Variants in TBC1D10A observed in about 807,000 individuals in gnomAD.
The protein encoded by TBC1D10A is EBP50-PDX interactor of 64 kDa.
In TBC1D10A, 24 loss-of-function variants were observed where a neutral mutation model predicts 52.9. The ratio of observed to expected loss-of-function variants is 0.45; its 90% CI spans 0.33 to 0.64. The LOEUF (loss-of-function observed/expected upper bound fraction) is 0.64. Among genes scored for constraint, TBC1D10A ranks in the 30% least tolerant of loss-of-function variants. The pLI is 0.02. For synonymous variants in TBC1D10A, 278 were observed against 282.9 expected (o/e 0.98, Z 0.17); for missense variants, 602 against 687.9 (o/e 0.88, Z 1.40).
chr22:30,310,612 T>C (rs1930405225), intron 1 of TBC1D10A, among the ~76,000 whole-genome samples: 1 of 152,168 alleles, frequency 6.6e-6, no homozygotes, highest in Non-Finnish European at 1.5e-5. Flanking sequence ...GTAAACATGA[T>C]GTGAGGCAAT....
chr22:30,297,982 A>G lies in TBC1D10A; in HGVS notation c.417+1462T>C, dbSNP rs1930119116. ...CCCGTCACTCAGCTTCGGTGCATCAAGAAGGCCTTCTCTGCAAATCCACCT... is the reference window on the plus strand; with the variant it reads ...CCCGTCACTCAGCTTCGGTGCATCAGGAAGGCCTTCTCTGCAAATCCACCT... On this transcript the variant is annotated intron_variant, in intron 3 of 8. Coordinates refer to ENST00000215790, the MANE Select transcript of TBC1D10A (RefSeq NM_031937.3). This position sits in a 1 kb window ranked among gnomAD's most constrained non-coding sequence, Gnocchi z 4.3. 2 of 152,230 alleles carry G rather than the reference A, an allele frequency of 1.3e-5. No individual in the cohort carries two copies. Among genetic ancestry groups the G allele is most frequent in the Admixed American group, 1.3e-4 (2 of 15,268 alleles). The allele number at this position is 152,230 out of a possible 1,614,324, so 9.4% of individuals were successfully genotyped here.
chr22:30,294,098 G>C lies in TBC1D10A; in HGVS notation c.718C>G (p.Leu240Val), dbSNP rs918926023. 1.9e-6 allele frequency: 3 copies of C among 1,613,688 alleles called. No homozygotes were observed. The highest frequency in any genetic ancestry group is 2.5e-6 in the Non-Finnish European group (3 of 1,179,976). Residue 240 changes from leucine to valine, a missense_variant, in exon 7 of 9, where the codon CTG (leucine) becomes GTG (valine). By Grantham distance (32) the Leu-to-Val change is conservative. Coordinates refer to ENST00000215790, the MANE Select transcript of TBC1D10A (RefSeq NM_031937.3). ...YYSEKLEAIQ[L>V]DGEILFSLLQ... Reference sequence around the variant, plus strand: ...AGCGAGAAAAGGATCTCCCCGTCCAGCTGGATCGCCTCCTAGGGAGACATC... The same window carrying C: ...AGCGAGAAAAGGATCTCCCCGTCCACCTGGATCGCCTCCTAGGGAGACATC...
intron 3 of TBC1D10A, chr22:30,296,114 C>T (rs530902460): frequency 5.1e-5 from 22 of 435,140 alleles, no homozygotes; most frequent in Admixed American, 8.0e-5. Flanking sequence ...ACTCCAGCTG[C>T]GGCTGGAAGG....
chr22:30,321,414 C>T (rs1226052765), intron 1 of TBC1D10A, among the ~76,000 whole-genome samples: 1 of 152,218 alleles, frequency 6.6e-6, no homozygotes, highest in African/African-American at 2.4e-5. Context: ...GAGAATAAGG[C>T]AAGGAGTCAG....
chr22:30,326,583 A>G, intron 1 of TBC1D10A, 90 bp downstream of exon 1: 2 of 1,253,914 alleles, frequency 1.6e-6, no homozygotes, highest in Admixed American at 2.5e-5. Flanking sequence ...TGGGAGGGGG[A>G]CGTGTCGGCA....
chr22:30,308,292 ATGCC>A (rs140730872), intron 1 of TBC1D10A, among the ~76,000 whole-genome samples: 2,039 of 78,744 alleles, frequency 0.026, 32 homozygotes, highest in African/African-American at 0.087. Context: ...GCATGCCTGC[ATGCC>A]TGCATGCCTG....
intron 1 of TBC1D10A, among the ~76,000 whole-genome samples, chr22:30,320,077 T>C (rs988465103): frequency 2.6e-5 from 4 of 152,194 alleles, no homozygotes; most frequent in African/African-American, 9.7e-5. Context: ...AACCTTCAGA[T>C]TCCTCACCGG....
At chr22:30,300,164 A>G (rs1254667894) in intron 2 of TBC1D10A, among the ~76,000 whole-genome samples, 2 of 150,718 alleles carry the variant, frequency 1.3e-5, no homozygotes, top group African/African-American at 4.9e-5. Flanking sequence ...ATGGAACCCT[A>G]TAGGCGGGCA....
intron 2 of TBC1D10A, among the ~76,000 whole-genome samples, chr22:30,302,072 GC>G (rs1201832794): frequency 6.6e-6 from 1 of 152,176 alleles, no homozygotes; most frequent in Admixed American, 6.5e-5. Context: ...CTCCAGGAGA[GC>G]CCTGGAACAC....
At chr22:30,310,320 G>A (rs1334972952) in intron 1 of TBC1D10A, among the ~76,000 whole-genome samples, 3 of 152,178 alleles carry the variant, frequency 2.0e-5, no homozygotes, top group African/African-American at 7.2e-5. Context: ...TGGTATTTGC[G>A]GCTTAACTAG....
At chr22:30,318,355 T>A (rs1053313102) in intron 1 of TBC1D10A, among the ~76,000 whole-genome samples, 1 of 152,062 alleles carries the variant, frequency 6.6e-6, no homozygotes, top group Non-Finnish European at 1.5e-5. Flanking sequence ...TTCCTTATCA[T>A]CCAATATGTC....
chr22:30,314,645 A>T (rs1930495953), intron 1 of TBC1D10A, among the ~76,000 whole-genome samples: 2 of 152,098 alleles, frequency 1.3e-5, no homozygotes, highest in South Asian at 4.1e-4. Context: ...CCCTGTCTCT[A>T]CAAAATTGTT....
intron 1 of TBC1D10A, among the ~76,000 whole-genome samples, chr22:30,323,930 C>T (rs1930712085): frequency 1.3e-5 from 2 of 152,054 alleles, no homozygotes; most frequent in South Asian, 4.1e-4. Context: ...GAGACTGCGC[C>T]ACTGCACTCC....
intron 1 of TBC1D10A, chr22:30,307,699 A>C (rs1192507128): frequency 6.6e-6 from 1 of 152,236 alleles, no homozygotes; most frequent in Admixed American, 6.5e-5. Flanking sequence ...TACCATTCGT[A>C]GATTATTTAC....
chr22:30,326,644 G>T, intron 1 of TBC1D10A, 29 bp downstream of exon 1: 1 of 1,557,792 alleles, frequency 6.4e-7, no homozygotes. Context: ...TGGGTGGCGC[G>T]CTCAGTCCCG....
chr22:30,324,106 T>C (rs1457084233), intron 1 of TBC1D10A, among the ~76,000 whole-genome samples: 1 of 152,202 alleles, frequency 6.6e-6, no homozygotes, highest in Non-Finnish European at 1.5e-5. Context: ...ACATCCAAAA[T>C]GTCTTAAGAC....
chr22:30,302,207 A>G (rs1257569161), intron 2 of TBC1D10A, among the ~76,000 whole-genome samples: 1 of 152,222 alleles, frequency 6.6e-6, no homozygotes, highest in Admixed American at 6.5e-5. Context: ...GGGACCAGTA[A>G]GGATAAAGCA....
intron 2 of TBC1D10A, 187 bp from the exon 3 acceptor site, chr22:30,299,738 G>C: frequency 2.1e-6 from 1 of 486,604 alleles, no homozygotes; most frequent in Non-Finnish European, 3.7e-6. Context: ...AGGCCGAGGC[G>C]GGTGGATCAC....
intron 4 of TBC1D10A, 142 bp downstream of exon 4, chr22:30,295,595 A>T: frequency 1.3e-6 from 1 of 758,582 alleles, no homozygotes; most frequent in Non-Finnish European, 2.2e-6. Flanking sequence ...CACACATCAG[A>T]CTCAAACCAA....
Sources: allele counts gnomAD v4.1 joint callset (sites outside exome capture counted in the v4.1 genomes callset), GRCh38; gene constraint gnomAD v4.1.1; non-coding constraint Gnocchi (gnomAD v3.1); transcripts MANE v1.5; gene names NCBI Gene and HGNC (gene_info 2026-07-23, HGNC 2026-07-21).